KIF6: variants seen among roughly 807,000 people sequenced by gnomAD.
The protein encoded by KIF6 is kinesin family member 6.
In KIF6, 106 loss-of-function variants were observed where a neutral mutation model predicts 112.7. The observed-to-expected ratio is 0.94, with a 90% confidence interval of 0.80 to 1.11. KIF6 has a LOEUF of 1.11. Among genes scored for constraint, KIF6 ranks in the 50% least tolerant of loss-of-function variants. The pLI is 0.00. For missense variants in KIF6, 929 were observed against 964.0 expected (o/e 0.96, Z 0.48); for synonymous variants, 339 against 339.9 (o/e 1.00, Z 0.03).
At chr6:39,474,883 C>T (rs537389863) in intron 13 of KIF6, among the ~76,000 whole-genome samples, 2 of 152,336 alleles carry the variant, frequency 1.3e-5, no homozygotes, top group South Asian at 4.1e-4. Flanking sequence ...GGGTGGTCGT[C>T]CAGACATATT....
At chr6:39,430,128 C>T (rs1771049667) in intron 14 of KIF6, among the ~76,000 whole-genome samples, 1 of 152,074 alleles carries the variant, frequency 6.6e-6, no homozygotes, top group Admixed American at 6.6e-5. Context: ...GCTATCAGGA[C>T]ATTATTTTCT....
chr6:39,458,556 C>G (rs1006944945), intron 13 of KIF6, among the ~76,000 whole-genome samples: 7 of 150,760 alleles, frequency 4.6e-5, no homozygotes, highest in African/African-American at 1.7e-4. Context: ...AAAAGGTATT[C>G]AATTAGGAAA....
At chr6:39,493,163 C>T (rs1291217279) in intron 13 of KIF6, among the ~76,000 whole-genome samples, 1 of 152,154 alleles carries the variant, frequency 6.6e-6, no homozygotes, top group Non-Finnish European at 1.5e-5. Context: ...TTCTTAGTTC[C>T]AACACTGTCA....
chr6:39,655,526 C>T, intron 3 of KIF6, among the ~76,000 whole-genome samples: 1 of 152,048 alleles, frequency 6.6e-6, no homozygotes, highest in East Asian at 1.9e-4. Context: ...AGTTCTCCAA[C>T]ATGATAAATG....
intron 13 of KIF6, among the ~76,000 whole-genome samples, chr6:39,476,214 TA>T (rs11418415): frequency 0.027 from 3,684 of 138,086 alleles, 69 homozygotes; most frequent in Non-Finnish European, 0.033. Context: ...TAAATTAAAT[TA>T]AAAAAAAAAA....
chr6:39,534,328 A>C lies in KIF6; in HGVS notation c.1645+5675T>G, dbSNP rs146253967. Among the ~76,000 whole-genome samples, 1,477 of 152,334 alleles carry C rather than the reference A, an allele frequency of 9.7e-3. 6 individuals carry two copies. Among genetic ancestry groups the C allele is most frequent in the Non-Finnish European group, 0.015 (994 of 68,028 alleles). ...AATAACTTTGAAAAAAATTTAGAAG[A>C]ATGTATAACTAGAATAACCAATACA... On this transcript the variant is annotated intron_variant, in intron 13 of 22. Coordinates refer to ENST00000287152, the MANE Select transcript of KIF6 (RefSeq NM_145027.6).
In KIF6 at chr6:39,362,519, C is replaced by CT; in HGVS notation, c.1862-2dup. ...GGCACGGCCATGTTTTCCGAGATTC[C>CT]TGTAGAAGGAAGGTGCCAATGGGAT... On this transcript the variant is annotated splice_acceptor_variant, in intron 16 of 22. Transcript: ENST00000287152. LOFTEE classifies it high-confidence loss of function. The CT allele has an allele frequency of 6.2e-7, 1 of 1,611,018 alleles. No individual in the cohort carries two copies. The highest frequency in any genetic ancestry group is 8.5e-7 in the Non-Finnish European group (1 of 1,177,124).
chr6:39,602,248 T>C (rs1782622111), intron 6 of KIF6, among the ~76,000 whole-genome samples: 1 of 152,136 alleles, frequency 6.6e-6, no homozygotes, highest in Admixed American at 6.6e-5. Flanking sequence ...AAATGGAGAA[T>C]AGACTTTCTT....
At chr6:39,629,195 C>T (rs1485845576) in intron 5 of KIF6, among the ~76,000 whole-genome samples, 4 of 152,004 alleles carry the variant, frequency 2.6e-5, no homozygotes, top group East Asian at 1.9e-4. Flanking sequence ...AACCTAGGAG[C>T]GCAGTTGCTG....
intron 3 of KIF6, among the ~76,000 whole-genome samples, chr6:39,672,338 C>G (rs191734908): frequency 1.3e-5 from 2 of 152,122 alleles, no homozygotes; most frequent in Admixed American, 6.5e-5. Flanking sequence ...TTTTGTTATA[C>G]GTTTTGCTTA....
At chr6:39,631,986 T>G (rs1784374051) in intron 5 of KIF6, among the ~76,000 whole-genome samples, 1 of 152,200 alleles carries the variant, frequency 6.6e-6, no homozygotes, top group Non-Finnish European at 1.5e-5. Flanking sequence ...TTGGTTAAGT[T>G]TGGTTTAATC....
At chr6:39,416,866 CT>C (rs1246406250) in intron 15 of KIF6, among the ~76,000 whole-genome samples, 1 of 152,078 alleles carries the variant, frequency 6.6e-6, no homozygotes, top group African/African-American at 2.4e-5. Flanking sequence ...GCTTTTGTTT[CT>C]TCTCTGCAGG....
At position 39,584,420 on chromosome 6, in the gene KIF6, A is replaced by C. The variant is rs1270823981; in HGVS notation, c.1077+478T>G. Among the ~76,000 whole-genome samples, 24 of 56,894 alleles carry C rather than the reference A, an allele frequency of 4.2e-4. 1 individual carries two copies. The highest frequency in any genetic ancestry group is 2.2e-3 in the African/African-American group (14 of 6,310). 37.3% of individuals were successfully genotyped at this position (56,894 alleles called of 152,430 possible). On this transcript the variant is annotated intron_variant, in intron 9 of 22. Transcript: ENST00000287152. ...AGCCTGAGCAAGACTCTGTCTCTAA[A>C]AAAAAAAAAAAAAAAAAAAAAAAAA...
Position 39,584,918 on chromosome 6 carries a change from C to G in KIF6, c.1057G>C (p.Glu353Gln). 1 of 1,609,898 alleles carries G rather than the reference C, an allele frequency of 6.2e-7. No homozygotes were observed. The highest frequency in any genetic ancestry group is 1.1e-5 in the South Asian group (1 of 90,674). Residue 353 changes from glutamate (E) to glutamine (Q), a missense_variant, in exon 9 of 23, where the codon GAA (glutamate) becomes CAA (glutamine). Physicochemically the swap from Glu to Gln is conservative, Grantham distance 29. Around this residue, in one of 2 missense-constraint regions of KIF6, gnomAD observed 688 missense variants for 662.7 expected, o/e 1.04. Transcript: ENST00000287152. Reference sequence around the variant, plus strand: ...CTTACTAATCTGGGGTTAATTTCTTCATTAAGAACAGCTTCATTCTTTATG... The same window carrying G: ...CTTACTAATCTGGGGTTAATTTCTTGATTAAGAACAGCTTCATTCTTTATG... Reference protein sequence around the residue: ...ALIKNEAVLNEEINPRLVIKR... With the variant: ...ALIKNEAVLNQEINPRLVIKR...
Position 39,343,484 on chromosome 6 carries a change from G to C in KIF6, c.2428+225C>G. ...TCTGCCAAGAGGGACAGGAGCACCT[G>C]GGCCGCCCACCCACTTGGGCCTGTC... On this transcript the variant is annotated intron_variant, in intron 22 of 22. Coordinates refer to ENST00000287152, the MANE Select transcript of KIF6 (RefSeq NM_145027.6). The surrounding 1 kb of genome is among the most constrained non-coding windows in gnomAD (Gnocchi z 4.1). 6.7e-7 allele frequency: 1 copy of C among 1,487,308 alleles called. No homozygotes were observed. The highest frequency in any genetic ancestry group is 9.0e-7 in the Non-Finnish European group (1 of 1,116,456). 92.1% of individuals were successfully genotyped at this position (1,487,308 alleles called of 1,614,324 possible).
intron 10 of KIF6, among the ~76,000 whole-genome samples, chr6:39,555,953 CAAAAA>C (rs35420944): frequency 1.3e-5 from 1 of 77,718 alleles, no homozygotes; most frequent in South Asian, 4.8e-4. Flanking sequence ...GACGCTGTCT[CAAAAA>C]AAAAAAAAAA....
rs757979587 is a variant in KIF6, at chr6:39,524,467, A to G, written c.1645+15536T>C. ...AGATACTGTGATGCGCCATCCAGAT[A>G]CCCCTTGAAGAATAAAGGTCGTATT... On this transcript the variant is annotated intron_variant, in intron 13 of 22. Transcript: ENST00000287152. Among the ~76,000 whole-genome samples, 110 of 152,138 alleles carry G rather than the reference A, an allele frequency of 7.2e-4. 2 individuals are homozygous for G. Among genetic ancestry groups the G allele is most frequent in the Non-Finnish European group, 4.1e-4 (28 of 68,028 alleles).
intron 6 of KIF6, among the ~76,000 whole-genome samples, chr6:39,608,952 C>T (rs1374852706): frequency 6.6e-6 from 1 of 152,148 alleles, no homozygotes; most frequent in Non-Finnish European, 1.5e-5. Context: ...TAGTTGCCAG[C>T]TAAGAACTCC....
At chr6:39,362,571 G>A (rs1765246408) in intron 16 of KIF6, 53 bp from the exon 17 acceptor site, 5 of 1,330,648 alleles carry the variant, frequency 3.8e-6, no homozygotes, top group Non-Finnish European at 5.4e-6. Context: ...AAAAGGAAGA[G>A]TGTGATATTT....
Sources: allele counts gnomAD v4.1 joint callset (sites outside exome capture counted in the v4.1 genomes callset), GRCh38; gene constraint gnomAD v4.1.1; regional missense constraint gnomAD v4.1.1; non-coding constraint Gnocchi (gnomAD v3.1); transcripts MANE v1.5; gene names NCBI Gene and HGNC (gene_info 2026-07-23, HGNC 2026-07-21).